UBE3C: variants seen among roughly 807,000 people sequenced by gnomAD.
UBE3C encodes ubiquitin protein ligase E3C.
UBE3C carries 42 observed loss-of-function variants against 129.4 expected under a neutral mutation model. The observed-to-expected ratio is 0.32, with a 90% CI of 0.25 to 0.42. UBE3C has a LOEUF of 0.42. Among genes scored for constraint, UBE3C ranks in the 10% least tolerant of loss-of-function variants. UBE3C has a pLI of 1.00. For missense variants in UBE3C, 1,049 were observed against 1,319.1 expected (o/e 0.80, Z 3.17); for synonymous variants, 510 against 492.4 (o/e 1.04, Z -0.47).
At chr7:157,158,308 T>TACATGCC (rs1476175259) in intron 1 of UBE3C, among the ~76,000 whole-genome samples, 2 of 152,204 alleles carry the variant, frequency 1.3e-5, no homozygotes, top group Non-Finnish European at 2.9e-5. Flanking sequence ...CCTATTCTAT[T>TACATGCC]ACATGCCAAA....
chr7:157,229,235 A>G (rs369008199), intron 17 of UBE3C, among the ~76,000 whole-genome samples: 12 of 152,314 alleles, frequency 7.9e-5, no homozygotes, highest in African/African-American at 2.6e-4. Context: ...TTACTTCCCC[A>G]AAGCTGTTCT....
chr7:157,181,359 G>T (rs576104740), intron 6 of UBE3C, among the ~76,000 whole-genome samples, 159 bp from the exon 7 acceptor site: 1 of 152,098 alleles, frequency 6.6e-6, no homozygotes, highest in Admixed American at 6.5e-5. Flanking sequence ...TATACCGTTC[G>T]GCTGCCTATA....
chr7:157,170,372 T>G lies in UBE3C; in HGVS notation c.264T>G (p.Ile88Met). 1 of 1,579,406 alleles carries G rather than the reference T, an allele frequency of 6.3e-7. No homozygotes were observed. Among genetic ancestry groups the G allele is most frequent in the Non-Finnish European group, 8.6e-7 (1 of 1,165,532 alleles). The part of the protein sequence containing the change: ...TLSQSGGAFP[I>M]ANGPNLTLLV... ...CACAGTCCGGGGGCGCTTTTCCCAT[T>G]GCTAATGGCCCCAACCTTACCCTTT... is the stretch of plus-strand genomic sequence containing the variant. Residue 88 changes from isoleucine (I) to methionine (M), a missense_variant, in exon 4 of 23, where the codon ATT becomes ATG. Transcript: ENST00000348165.
intron 13 of UBE3C, among the ~76,000 whole-genome samples, chr7:157,210,791 G>A (rs1486931112): frequency 6.6e-6 from 1 of 152,096 alleles, no homozygotes; most frequent in Non-Finnish European, 1.5e-5. Context: ...CTTCAACACC[G>A]ACCATTTTCA....
chr7:157,184,015 A>G lies in UBE3C; in HGVS notation c.1129A>G (p.Lys377Glu). The G allele has an allele frequency of 6.2e-7, 1 of 1,614,116 alleles. No homozygotes were observed. The highest frequency in any genetic ancestry group is 2.2e-5 in the East Asian group (1 of 44,874). Residue 377 changes from lysine to glutamate, a missense_variant, in exon 9 of 23, where the codon AAG (lysine) becomes GAG (glutamate). Physicochemically the swap from Lys to Glu is moderately conservative, Grantham distance 56. Transcript: ENST00000348165. Reference protein sequence around the residue: ...DSEEESEEADKPSSPEDGRLS... With the variant: ...DSEEESEEADEPSSPEDGRLS... ...TGAGGAGGAGAGTGAAGAAGCCGAC[A>G]AGCCCTCAAGCCCGGTAAGCCCCGT...
At chr7:157,220,060 A>T (rs1444268662) in intron 14 of UBE3C, among the ~76,000 whole-genome samples, 4 of 152,162 alleles carry the variant, frequency 2.6e-5, no homozygotes, top group Non-Finnish European at 4.4e-5. Context: ...AAAGTACAAA[A>T]ATTAACCAGG....
chr7:157,140,043 C>T, intron 1 of UBE3C: 3 of 985,264 alleles, frequency 3.0e-6, no homozygotes, highest in Non-Finnish European at 3.6e-6. Flanking sequence ...TAAGGGTAGG[C>T]AAACCATGAC....
intron 18 of UBE3C, among the ~76,000 whole-genome samples, chr7:157,232,492 G>A (rs1163458740): frequency 6.6e-6 from 1 of 152,130 alleles, no homozygotes; most frequent in Admixed American, 6.6e-5. Flanking sequence ...CTGAACAACA[G>A]GTGTGCACCA....
chr7:157,261,319 A>G (rs926531997), intron 22 of UBE3C, among the ~76,000 whole-genome samples: 2 of 106,918 alleles, frequency 1.9e-5, no homozygotes, highest in Middle Eastern at 4.3e-3. Context: ...AAAAAAAAAA[A>G]AAAAAAAAAA....
chr7:157,162,410 G>T (rs1484224426), intron 1 of UBE3C, among the ~76,000 whole-genome samples: 1 of 152,054 alleles, frequency 6.6e-6, no homozygotes, highest in African/African-American at 2.4e-5. Context: ...GGCCAGGCTG[G>T]TCTCGAACTC....
At chr7:157,254,499 G>C (rs1796697840) in intron 21 of UBE3C, among the ~76,000 whole-genome samples, 189 bp downstream of exon 21, 1 of 151,654 alleles carries the variant, frequency 6.6e-6, no homozygotes, top group African/African-American at 2.4e-5. Context: ...CCGGGTTCAA[G>C]CAATTCTCCT....
At position 157,164,661 on chromosome 7, in the gene UBE3C, A is replaced by G. The variant is rs183497289; in HGVS notation, c.120+798A>G. 5 of 341,136 alleles carry G rather than the reference A, an allele frequency of 1.5e-5. No individual in the cohort carries two copies. The East Asian group carries it at 4.1e-4, about 28-fold the overall frequency. 21.1% of individuals were successfully genotyped at this position (341,136 alleles called of 1,614,324 possible). A position where few individuals can be genotyped will look rare whatever the true frequency, so the allele number is the denominator to read the frequency against. ...TCTTATGACCTGCTTTTTTAGGTAGAGTTTTTTGTTTTGTTATTTTAACAA... is the reference window on the plus strand; with the variant it reads ...TCTTATGACCTGCTTTTTTAGGTAGGGTTTTTTGTTTTGTTATTTTAACAA... On this transcript the variant is annotated intron_variant, in intron 2 of 22. Transcript: ENST00000348165.
rs1795852233 is a variant in UBE3C, at chr7:157,225,534, A to C, written c.2228A>C (p.Glu743Ala). Reference protein sequence around the residue: ...YEDAYDKLSPENEPDLKKRIR... With the variant: ...YEDAYDKLSPANEPDLKKRIR... ...GATGCTTATGACAAACTTTCTCCAG[A>C]AAATGGTATATATAATTCTTTCTGT... is the stretch of plus-strand genomic sequence containing the variant. The change falls in exon 17 of 23, where the codon GAA becomes GCA. Residue 743 changes from glutamate (E) to alanine (A), a missense_variant. This residue lies in a region of UBE3C where 314 missense variants were observed against 416.9 expected (regional missense o/e 0.75). Coordinates refer to ENST00000348165, the MANE Select transcript of UBE3C (RefSeq NM_014671.3). 6.9e-6 allele frequency: 11 copies of C among 1,584,804 alleles called. No homozygotes were observed. Among genetic ancestry groups the C allele is most frequent in the Non-Finnish European group, 8.5e-6 (10 of 1,171,874 alleles).
intron 21 of UBE3C, among the ~76,000 whole-genome samples, chr7:157,256,064 T>C (rs760926595): frequency 6.6e-6 from 1 of 152,216 alleles, no homozygotes; most frequent in African/African-American, 2.4e-5. Context: ...TTCTTCAAAA[T>C]AAGGCTCCTC....
intron 18 of UBE3C, among the ~76,000 whole-genome samples, chr7:157,242,722 G>T (rs1796371629): frequency 6.6e-6 from 1 of 151,906 alleles, no homozygotes; most frequent in Non-Finnish European, 1.5e-5. Context: ...GTGTTTTGGA[G>T]CCTGAACCTG....
At chr7:157,170,012 G>A (rs1430466616) in intron 3 of UBE3C, among the ~76,000 whole-genome samples, 1 of 151,836 alleles carries the variant, frequency 6.6e-6, no homozygotes, top group Non-Finnish European at 1.5e-5. Flanking sequence ...TAGAGATGGG[G>A]TTTCGCCATG....
chr7:157,260,908 C>T (rs778342841), intron 22 of UBE3C, among the ~76,000 whole-genome samples: 4 of 152,210 alleles, frequency 2.6e-5, no homozygotes, highest in Non-Finnish European at 5.9e-5. Context: ...GCCTTCTCCA[C>T]CTCCGTGATG....
At chr7:157,238,676 G>T (rs1796216078) in intron 18 of UBE3C, among the ~76,000 whole-genome samples, 1 of 152,134 alleles carries the variant, frequency 6.6e-6, no homozygotes. Flanking sequence ...CAGTATCTGG[G>T]CTGAGCCATC....
intron 16 of UBE3C, among the ~76,000 whole-genome samples, chr7:157,223,652 A>C (rs1015421070): frequency 3.3e-5 from 5 of 152,156 alleles, no homozygotes; most frequent in Non-Finnish European, 7.3e-5. Flanking sequence ...GGCCAGGTAC[A>C]GTGGCTCATG....
Sources: gnomAD v4.1 joint callset for allele counts (sites outside exome capture counted in the v4.1 genomes callset) on GRCh38, gnomAD v4.1.1 for gene constraint, gnomAD v4.1.1 regional missense constraint, MANE v1.5 for transcripts, NCBI Gene and HGNC (gene_info 2026-07-23, HGNC 2026-07-21) for gene names.